The following ENTREP2 variants were observed in gnomAD, a reference collection of about 807,000 sequenced individuals.
ENTREP2 encodes the protein endosomal transmembrane epsin interactor 2, also known as protein ENTREP2.
At chr15:29,356,308 T>A in the ENTREP2 span, among the ~76,000 whole-genome samples, 9 of 102,402 alleles carry the variant, frequency 8.8e-5, no homozygotes, top group African/African-American at 2.4e-4. Context: ...TTTTTTTTTT[T>A]TTTTTTTTTT....
the ENTREP2 span, among the ~76,000 whole-genome samples, chr15:29,195,817 G>T: frequency 6.6e-6 from 1 of 152,182 alleles, no homozygotes; most frequent in African/African-American, 2.4e-5. Context: ...GAGCCACTGC[G>T]CCCGGCTTGT....
At chr15:29,606,090 C>T in the ENTREP2 span, among the ~76,000 whole-genome samples, 1 of 152,050 alleles carries the variant, frequency 6.6e-6, no homozygotes, top group Non-Finnish European at 1.5e-5. Flanking sequence ...TTTAGTCCTA[C>T]CTATTCTAAA....
the ENTREP2 span, among the ~76,000 whole-genome samples, chr15:29,485,815 T>A: frequency 6.7e-3 from 1,021 of 152,258 alleles, 32 homozygotes; most frequent in Admixed American, 0.047. Context: ...CAATGATATA[T>A]ACCATCCCAA....
the ENTREP2 span, among the ~76,000 whole-genome samples, chr15:29,198,953 T>A: frequency 6.6e-6 from 1 of 152,266 alleles, no homozygotes; most frequent in Admixed American, 6.5e-5. Flanking sequence ...CTGTTGTATA[T>A]TACATTGTGT....
chr15:29,334,271 C>T, the ENTREP2 span, among the ~76,000 whole-genome samples: 2 of 152,198 alleles, frequency 1.3e-5, no homozygotes, highest in African/African-American at 2.4e-5. Context: ...GCTGTTGTCA[C>T]ACTTCAAGGT....
At chr15:29,241,152 T>C in the ENTREP2 span, among the ~76,000 whole-genome samples, 1 of 152,180 alleles carries the variant, frequency 6.6e-6, no homozygotes, top group East Asian at 1.9e-4. Flanking sequence ...TGACTATATC[T>C]AAATTTACAG....
the ENTREP2 span, among the ~76,000 whole-genome samples, chr15:29,585,212 T>G: frequency 6.6e-6 from 1 of 152,218 alleles, no homozygotes; most frequent in Non-Finnish European, 1.5e-5. Context: ...TGGGAAATCC[T>G]TATATACTTT....
At chr15:29,570,030 C>A in the ENTREP2 span, 3 of 129,004 alleles carry the variant, frequency 2.3e-5, no homozygotes, top group Admixed American at 1.5e-4. Flanking sequence ...GGGAGGCGCC[C>A]CTCCCCCGCC....
the ENTREP2 span, among the ~76,000 whole-genome samples, chr15:29,255,162 G>C: frequency 6.6e-6 from 1 of 152,156 alleles, no homozygotes; most frequent in Non-Finnish European, 1.5e-5. Context: ...CATTTCTCCA[G>C]TAAGTCCAGG....
the ENTREP2 span, among the ~76,000 whole-genome samples, chr15:29,510,809 C>CAAAA: frequency 8.0e-6 from 1 of 124,226 alleles, no homozygotes; most frequent in Non-Finnish European, 1.7e-5. Flanking sequence ...GACTCCATCT[C>CAAAA]AAAAAAAAAA....
the ENTREP2 span, among the ~76,000 whole-genome samples, chr15:29,251,911 A>G: frequency 2.6e-5 from 4 of 152,202 alleles, no homozygotes; most frequent in Non-Finnish European, 4.4e-5. Context: ...TGGATCTGAA[A>G]GAAAATTCTT....
At chr15:29,136,431 G>A in the ENTREP2 span, 6 of 1,546,474 alleles carry the variant, frequency 3.9e-6, no homozygotes, top group East Asian at 1.2e-4. Flanking sequence ...GGATAGAGCA[G>A]GCCGGGGCTA....
the ENTREP2 span, among the ~76,000 whole-genome samples, chr15:29,302,048 C>G: frequency 6.6e-6 from 1 of 152,116 alleles, no homozygotes; most frequent in African/African-American, 2.4e-5. Flanking sequence ...TGTTTGTTAA[C>G]TATGCATATT....
the ENTREP2 span, among the ~76,000 whole-genome samples, chr15:29,657,041 T>G: frequency 3.9e-5 from 6 of 152,064 alleles, no homozygotes; most frequent in African/African-American, 7.2e-5. Flanking sequence ...GCCTTCGTGG[T>G]GAGTGTTACA....
the ENTREP2 span, among the ~76,000 whole-genome samples, chr15:29,479,493 A>T: frequency 9.9e-5 from 15 of 152,128 alleles, no homozygotes; most frequent in East Asian, 7.7e-4. Context: ...AATCAGCACC[A>T]GCCACACATC....
chr15:29,196,450 C>T, the ENTREP2 span: 69 of 1,551,678 alleles, frequency 4.4e-5, no homozygotes, highest in East Asian at 9.5e-4. Context: ...AGCCTCACAG[C>T]GTTGCAGTTC....
At chr15:29,371,945 T>TAGAC in the ENTREP2 span, among the ~76,000 whole-genome samples, 8 of 142,460 alleles carry the variant, frequency 5.6e-5, no homozygotes, top group East Asian at 1.5e-3. Flanking sequence ...GATAGATAGA[T>TAGAC]AGATAAAGAG....
At chr15:29,489,229 T>G in the ENTREP2 span, among the ~76,000 whole-genome samples, 1 of 152,200 alleles carries the variant, frequency 6.6e-6, no homozygotes, top group Non-Finnish European at 1.5e-5. Flanking sequence ...CCCTGAGATC[T>G]CTTCCTTCCT....
chr15:29,198,799 C>T, the ENTREP2 span, among the ~76,000 whole-genome samples: 2 of 152,228 alleles, frequency 1.3e-5, no homozygotes, highest in African/African-American at 2.4e-5. Flanking sequence ...CACCTTTATA[C>T]ATTTACCACT....
Sources: allele counts gnomAD v4.1 joint callset (sites outside exome capture counted in the v4.1 genomes callset), GRCh38; gene constraint gnomAD v4.1.1; transcripts MANE v1.5; gene names NCBI Gene and HGNC (gene_info 2026-07-23, HGNC 2026-07-21).